COL26A1: variants seen among roughly 807,000 people sequenced by gnomAD.
COL26A1 encodes collagen alpha-1(XXVI) chain.
A neutral mutation model predicts 59.3 loss-of-function variants in COL26A1; 41 were observed. The ratio of observed to expected loss-of-function variants is 0.69; its 90% CI spans 0.54 to 0.90. The LOEUF is 0.90. Among genes scored for constraint, COL26A1 ranks in the 40% least tolerant of loss-of-function variants. The pLI, the probability that COL26A1 is intolerant of heterozygous loss-of-function variation, is 0.00. For missense variants in COL26A1, 612 were observed against 602.3 expected, an observed-to-expected ratio of 1.02 and a Z score of -0.17; for synonymous variants, 266 against 256.0, an observed-to-expected ratio of 1.04 and a Z score of -0.37.
intron 1 of COL26A1, among the ~76,000 whole-genome samples, chr7:101,370,786 C>T (rs975622195): frequency 6.6e-6 from 1 of 152,140 alleles, no homozygotes; most frequent in African/African-American, 2.4e-5. Flanking sequence ...CTCAAAATGC[C>T]TCCCTCTTAC....
chr7:101,531,052 G>A (rs957258779), intron 3 of COL26A1, among the ~76,000 whole-genome samples: 1 of 151,702 alleles, frequency 6.6e-6, no homozygotes, highest in South Asian at 2.1e-4. Flanking sequence ...CTCACTGCAA[G>A]CTCTGCCTCC....
intron 3 of COL26A1, among the ~76,000 whole-genome samples, chr7:101,457,934 T>C (rs1793517450): frequency 6.7e-6 from 1 of 149,556 alleles, no homozygotes; most frequent in African/African-American, 2.5e-5. Context: ...TCTCACCCTG[T>C]TGCCCAAGCA....
In COL26A1 at chr7:101,557,684, C is replaced by A; in HGVS notation, c.*154C>A. The A allele has an allele frequency of 1.3e-6, 1 of 764,122 alleles. No homozygotes were observed. The allele number at this position is 764,122 out of a possible 1,614,324, so 47.3% of individuals were successfully genotyped here. A position where few individuals can be genotyped will look rare whatever the true frequency, so the allele number is the denominator to read the frequency against. On this transcript the variant is annotated 3_prime_UTR_variant, in exon 13 of 13. Transcript: ENST00000313669. ...GGGCTTTGGGGACAGATAATGTCTCCAGGGGCAGGGTCTGGAGGGGCCAAC... is the reference window on the plus strand; with the variant it reads ...GGGCTTTGGGGACAGATAATGTCTCAAGGGGCAGGGTCTGGAGGGGCCAAC...
chr7:101,465,713 GAAAA>G lies in COL26A1; in HGVS notation c.385+17927_385+17930del, dbSNP rs1279097425. On this transcript the variant is annotated intron_variant, in intron 3 of 12. Coordinates refer to ENST00000313669, the MANE Select transcript of COL26A1 (RefSeq NM_001278563.3). ...TCTCAAAAAAAAAAAAAAAAAAAAA[GAAAA>G]GAAAAAGAAACAAAGGAAGTGCTCT... 1.5e-4 allele frequency among the ~76,000 whole-genome samples: 20 copies of G among 134,232 alleles called. No individual in the cohort carries two copies. In the East Asian group the frequency reaches 3.7e-3, roughly 25 times the overall value. 88.1% of individuals were successfully genotyped at this position (134,232 alleles called of 152,430 possible).
intron 3 of COL26A1, among the ~76,000 whole-genome samples, chr7:101,456,631 T>TC (rs60997292): frequency 0.22 from 25,602 of 118,202 alleles, 3,034 homozygotes; most frequent in African/African-American, 0.43. Flanking sequence ...GCCATTGCAC[T>TC]CCACCTCGGC....
chr7:101,549,286 C>T, intron 9 of COL26A1, 63 bp downstream of exon 9: 1 of 1,164,230 alleles, frequency 8.6e-7, no homozygotes, highest in African/African-American at 1.6e-5. Flanking sequence ...GCCTTGTCTC[C>T]CTAGGGGAGA....
chr7:101,463,296 G>A (rs7802494), intron 3 of COL26A1, among the ~76,000 whole-genome samples: 43,811 of 151,886 alleles, frequency 0.29, 8,935 homozygotes, highest in African/African-American at 0.58. Context: ...GCCTTATTTC[G>A]CTTAGCATTA....
intron 3 of COL26A1, among the ~76,000 whole-genome samples, chr7:101,530,609 C>T (rs749334065): frequency 3.4e-4 from 52 of 150,944 alleles, no homozygotes; most frequent in Non-Finnish European, 6.2e-4. Flanking sequence ...CTGAAAGCCC[C>T]CTGGACGCCA....
intron 2 of COL26A1, among the ~76,000 whole-genome samples, chr7:101,428,041 A>G (rs950061532): frequency 1.3e-5 from 2 of 152,068 alleles, no homozygotes; most frequent in Non-Finnish European, 2.9e-5. Context: ...TTCTAGATTT[A>G]TTGTCATGAT....
At position 101,489,691 on chromosome 7, in the gene COL26A1, T is replaced by TTCTA. The variant is rs1554421163; in HGVS notation, c.385+41907_385+41908insATCT. Among the ~76,000 whole-genome samples, 5 of 17,094 alleles carry TTCTA rather than the reference T, an allele frequency of 2.9e-4. 2 individuals carry two copies. Among genetic ancestry groups the TTCTA allele is most frequent in the African/African-American group, 9.2e-4 (2 of 2,180 alleles). 11.2% of individuals were successfully genotyped at this position (17,094 alleles called of 152,430 possible). A position where few individuals can be genotyped will look rare whatever the true frequency, so the allele number is the denominator to read the frequency against. ...TTCCTTCCTTCCTTCCTTTCTTTCT[T>TTCTA]TCTTTCTGTCTTTCTTTCTTTCATT... is the stretch of plus-strand genomic sequence containing the variant. On this transcript the variant is annotated intron_variant, in intron 3 of 12. Coordinates refer to ENST00000313669, the MANE Select transcript of COL26A1 (RefSeq NM_001278563.3).
At chr7:101,447,572 G>A (rs1793228178) in intron 2 of COL26A1, 112 bp from the exon 3 acceptor site, 1 of 694,960 alleles carries the variant, frequency 1.4e-6, no homozygotes, top group Non-Finnish European at 2.5e-6. Flanking sequence ...CACGCCATGG[G>A]GGCCTCCCGG....
At chr7:101,486,490 G>A (rs1173205768) in intron 3 of COL26A1, among the ~76,000 whole-genome samples, 3 of 152,218 alleles carry the variant, frequency 2.0e-5, no homozygotes, top group Non-Finnish European at 4.4e-5. Context: ...TTGCGGTGGC[G>A]GGAAGGGCTG....
chr7:101,391,424 G>C (rs186592297), intron 1 of COL26A1, among the ~76,000 whole-genome samples: 44 of 152,276 alleles, frequency 2.9e-4, no homozygotes, highest in African/African-American at 1.0e-3. Flanking sequence ...ACCTAGAGAA[G>C]GTCCTATTGG....
intron 2 of COL26A1, among the ~76,000 whole-genome samples, chr7:101,445,903 C>A (rs1239058158): frequency 6.6e-6 from 1 of 151,108 alleles, no homozygotes; most frequent in Admixed American, 6.6e-5. Flanking sequence ...CAAAAATTAG[C>A]TGAGAGTGGT....
At chr7:101,516,775 C>G (rs1437991666) in intron 3 of COL26A1, among the ~76,000 whole-genome samples, 3 of 152,182 alleles carry the variant, frequency 2.0e-5, no homozygotes. Context: ...AGAGAGATGA[C>G]TAGGCCTTAA....
intron 1 of COL26A1, among the ~76,000 whole-genome samples, chr7:101,369,517 C>T (rs1455837063): frequency 3.0e-5 from 4 of 134,294 alleles, no homozygotes; most frequent in Non-Finnish European, 4.7e-5. Flanking sequence ...GGCGCAATCT[C>T]GGCTCACTGC....
intron 2 of COL26A1, among the ~76,000 whole-genome samples, chr7:101,427,483 A>G (rs532127804): frequency 9.2e-5 from 14 of 152,022 alleles, no homozygotes; most frequent in African/African-American, 3.4e-4. Flanking sequence ...CCAATGTGGT[A>G]AAACCCCTTC....
intron 2 of COL26A1, among the ~76,000 whole-genome samples, chr7:101,443,206 G>A (rs546201829): frequency 1.3e-5 from 2 of 152,244 alleles, no homozygotes; most frequent in East Asian, 3.9e-4. Context: ...GGATTGCCCA[G>A]TTGCTCCCAA....
At chr7:101,409,381 G>T (rs1792194494) in intron 1 of COL26A1, among the ~76,000 whole-genome samples, 1 of 152,182 alleles carries the variant, frequency 6.6e-6, no homozygotes, top group Admixed American at 6.5e-5. Context: ...GAGTTTCAAG[G>T]CATAAATTTA....
Sources: gnomAD v4.1 joint callset for allele counts (sites outside exome capture counted in the v4.1 genomes callset) on GRCh38, gnomAD v4.1.1 for gene constraint, MANE v1.5 for transcripts, NCBI Gene and HGNC (gene_info 2026-07-23, HGNC 2026-07-21) for gene names.